The following STXBP3 variants were observed in gnomAD, a reference collection of about 807,000 sequenced individuals.
The protein encoded by STXBP3 is syntaxin-binding protein 3.
In STXBP3, 41 loss-of-function variants were observed where a neutral mutation model predicts 85.7. The observed-to-expected ratio is 0.48, with a 90% confidence interval of 0.37 to 0.62. The LOEUF (loss-of-function observed/expected upper bound fraction) is 0.62. Ranked by LOEUF, STXBP3 falls within the 20% of genes least tolerant of loss-of-function variation. The pLI is 0.00. For synonymous variants in STXBP3, 229 were observed against 231.7 expected (o/e 0.99, Z 0.10); for missense variants, 563 against 703.1 (o/e 0.80, Z 2.25).
intron 17 of STXBP3, among the ~76,000 whole-genome samples, chr1:108,802,677 T>G (rs1339767394): frequency 1.3e-5 from 2 of 152,252 alleles, no homozygotes; most frequent in Non-Finnish European, 2.9e-5. Context: ...CAATTTGTTG[T>G]CTGCCTATGG....
At chr1:108,799,596 A>G (rs963821958) in intron 16 of STXBP3, among the ~76,000 whole-genome samples, 2 of 152,080 alleles carry the variant, frequency 1.3e-5, no homozygotes, top group African/African-American at 4.8e-5. Context: ...TGTTAATACT[A>G]CTTGTACTAC....
intron 7 of STXBP3, 103 bp from the exon 8 acceptor site, chr1:108,776,230 A>C (rs1662590132): frequency 1.5e-6 from 1 of 682,778 alleles, no homozygotes; most frequent in African/African-American, 1.8e-5. Flanking sequence ...TCATTTTGTA[A>C]ACATTTTTTA....
In STXBP3 at chr1:108,794,843, A is replaced by C. The variant is rs778681153; in HGVS notation, c.1046A>C (p.Asn349Thr). 2 of 1,610,500 alleles carry C rather than the reference A, an allele frequency of 1.2e-6. No individual in the cohort carries two copies. The highest frequency in any genetic ancestry group is 4.5e-5 in the East Asian group (2 of 44,804). The part of the protein sequence containing the change: ...KQITKQVVHL[N>T]LAEDCMNKFK... ...GTTTTTCAGCAAGTTGTCCATCTTAACTTAGCAGAAGATTGCATGAATAAG... is the reference window on the plus strand; with the variant it reads ...GTTTTTCAGCAAGTTGTCCATCTTACCTTAGCAGAAGATTGCATGAATAAG... Residue 349 changes from asparagine (N) to threonine (T), a missense_variant, in exon 13 of 19, where the codon AAC becomes ACC. Asn to Thr is a moderately conservative substitution (Grantham distance 65). This residue lies in a region of STXBP3 where 494 missense variants were observed against 592.8 expected (regional missense o/e 0.83). Coordinates refer to ENST00000370008, the MANE Select transcript of STXBP3 (RefSeq NM_007269.4).
At position 108,772,228 on chromosome 1, in the gene STXBP3, CATG is replaced by C. The variant is rs1183520269; in HGVS notation, c.439-434_439-432del. Among the ~76,000 whole-genome samples the C allele has an allele frequency of 3.5e-3, 121 of 34,114 alleles. 21 individuals are homozygous for C. Among genetic ancestry groups the C allele is most frequent in the East Asian group, 0.025 (99 of 3,932 alleles). 22.4% of individuals were successfully genotyped at this position (34,114 alleles called of 152,430 possible). Reference sequence around the variant, plus strand: ...TATCTATCTGTATCATATATAAATACATGATATCTATCTGTATCATATATAAAT... The same window carrying C: ...TATCTATCTGTATCATATATAAATACATATCTATCTGTATCATATATAAAT... On this transcript the variant is annotated intron_variant, in intron 6 of 18. Coordinates refer to ENST00000370008, the MANE Select transcript of STXBP3 (RefSeq NM_007269.4).
intron 9 of STXBP3, chr1:108,781,019 CG>C (rs1317365903): frequency 6.6e-5 from 10 of 152,130 alleles, no homozygotes; most frequent in African/African-American, 2.4e-4. Context: ...CCACCCACCT[CG>C]GCCTCCCAAC....
At chr1:108,764,781 C>T (rs945362551) in intron 6 of STXBP3, among the ~76,000 whole-genome samples, 3 of 152,048 alleles carry the variant, frequency 2.0e-5, no homozygotes, top group Non-Finnish European at 2.9e-5. Context: ...AATATTAGAC[C>T]TTTGTCAGAT....
In STXBP3 at chr1:108,783,014, T is replaced by G. The variant is rs116265892; in HGVS notation, c.963+308T>G. ...GCCTCCCAGGCTCAAGTGATTGTTT[T>G]GCCTCAGCGGGATTACTGGTGTGCA... On this transcript the variant is annotated intron_variant, in intron 11 of 18. Coordinates refer to ENST00000370008, the MANE Select transcript of STXBP3 (RefSeq NM_007269.4). Among the ~76,000 whole-genome samples the G allele has an allele frequency of 7.5e-3, 1,140 of 152,342 alleles. 12 individuals carry two copies. The highest frequency in any genetic ancestry group is 0.026 in the African/African-American group (1,090 of 41,592).
At chr1:108,758,346 T>G (rs1055091656) in intron 4 of STXBP3, among the ~76,000 whole-genome samples, 164 bp from the exon 5 acceptor site, 9 of 152,034 alleles carry the variant, frequency 5.9e-5, no homozygotes, top group African/African-American at 1.7e-4. Flanking sequence ...TAGCTATCAC[T>G]GGCTGGAGAA....
At chr1:108,807,618 C>T in intron 18 of STXBP3, 69 bp downstream of exon 18, 1 of 1,497,712 alleles carries the variant, frequency 6.7e-7, no homozygotes, top group Non-Finnish European at 8.9e-7. Flanking sequence ...GTCTTGTCCC[C>T]CAGGCTGGAG....
In STXBP3 at chr1:108,773,543, T is replaced by C. The variant is rs77770811; in HGVS notation, c.593+724T>C. 7.5e-3 allele frequency among the ~76,000 whole-genome samples: 1,142 copies of C among 152,262 alleles called. 13 individuals carry two copies. The highest frequency in any genetic ancestry group is 0.026 in the African/African-American group (1,092 of 41,556). ...AGAAAGATTAATAAAAACAGGATCA[T>C]TTTTTTGCCCAGTTATTCTAGTTCA... is the stretch of plus-strand genomic sequence containing the variant. On this transcript the variant is annotated intron_variant, in intron 7 of 18. Transcript: ENST00000370008.
chr1:108,754,964 G>A (rs150932583), intron 3 of STXBP3, among the ~76,000 whole-genome samples: 47 of 152,072 alleles, frequency 3.1e-4, no homozygotes, highest in African/African-American at 1.1e-3. Flanking sequence ...TTCCACATTA[G>A]CTCTCCTGAA....
intron 4 of STXBP3, among the ~76,000 whole-genome samples, chr1:108,757,584 A>AATAT (rs57603184): frequency 6.6e-6 from 1 of 151,784 alleles, no homozygotes; most frequent in East Asian, 1.9e-4. Context: ...AGGGATTTAA[A>AATAT]ATATATATAT....
At chr1:108,800,534 C>T (rs899394750) in intron 17 of STXBP3, among the ~76,000 whole-genome samples, 5 of 152,152 alleles carry the variant, frequency 3.3e-5, no homozygotes, top group African/African-American at 1.2e-4. Context: ...CCTCCTCTTC[C>T]TTCACATAGC....
intron 17 of STXBP3, among the ~76,000 whole-genome samples, chr1:108,806,786 CT>C (rs899272735): frequency 6.6e-6 from 1 of 151,958 alleles, no homozygotes; most frequent in Non-Finnish European, 1.5e-5. Context: ...AAGCTGCAGA[CT>C]TCTCAGGTAT....
chr1:108,782,717 T>TA lies in STXBP3; in HGVS notation c.963+12dup. 1 of 1,585,118 alleles carries TA rather than the reference T, an allele frequency of 6.3e-7. No individual in the cohort carries two copies. Among genetic ancestry groups the TA allele is most frequent in the Non-Finnish European group, 8.6e-7 (1 of 1,168,148 alleles). On this transcript the variant is annotated intron_variant, in intron 11 of 18. Coordinates refer to ENST00000370008, the MANE Select transcript of STXBP3 (RefSeq NM_007269.4). ...GCAACAGAAGGAAAGGTAAGAGTCT[T>TA]ACTTAACTTTCAAAGTAATAGTGAA...
intron 18 of STXBP3, among the ~76,000 whole-genome samples, chr1:108,808,488 T>G (rs527777052): frequency 6.6e-6 from 1 of 152,242 alleles, no homozygotes; most frequent in Non-Finnish European, 1.5e-5. Context: ...ATAACTGTTA[T>G]AGTGCTGAGG....
chr1:108,793,933 G>A (rs1480634868), intron 12 of STXBP3, among the ~76,000 whole-genome samples: 1 of 152,122 alleles, frequency 6.6e-6, no homozygotes, highest in Non-Finnish European at 1.5e-5. Context: ...TTCAGCACTA[G>A]ATTGACTAGT....
intron 11 of STXBP3, among the ~76,000 whole-genome samples, chr1:108,786,029 C>T (rs566183899): frequency 6.6e-6 from 1 of 152,344 alleles, no homozygotes; most frequent in African/African-American, 2.4e-5. Flanking sequence ...TTACCCAGTT[C>T]CAAAGTTTCT....
At position 108,795,625 on chromosome 1, in the gene STXBP3, C is replaced by T. The variant is rs150771929; in HGVS notation, c.1111-609C>T. On this transcript the variant is annotated intron_variant, in intron 13 of 18. Coordinates refer to ENST00000370008, the MANE Select transcript of STXBP3 (RefSeq NM_007269.4). ...ACTTCAAGTCTCCTGGTGTTTTGTA[C>T]CTACAGCACATCTTAATTCAGACTG... Among the ~76,000 whole-genome samples the T allele has an allele frequency of 6.8e-3, 1,036 of 152,158 alleles. 6 individuals carry two copies. The highest frequency in any genetic ancestry group is 0.011 in the Non-Finnish European group (758 of 68,020).
Sources: allele counts gnomAD v4.1 joint callset (sites outside exome capture counted in the v4.1 genomes callset), GRCh38; gene constraint gnomAD v4.1.1; regional missense constraint gnomAD v4.1.1; transcripts MANE v1.5; gene names NCBI Gene and HGNC (gene_info 2026-07-23, HGNC 2026-07-21).